Variants in TRMT9B observed in about 807,000 individuals in gnomAD.
TRMT9B encodes the protein tRNA methyltransferase 9B (putative), also known as probable tRNA methyltransferase 9B.
Under a neutral mutation model 11.5 loss-of-function variants are expected in TRMT9B, and 16 were observed. The ratio of observed to expected loss-of-function variants is 1.39; its 90% CI spans 0.94 to 2.11. The LOEUF is 2.11. TRMT9B is among the 30% of genes most tolerant of loss of function. The probability of loss-of-function intolerance (pLI) is 0.00; values close to 1 mark genes in which losing one functional copy is unlikely to be tolerated. For missense variants in TRMT9B, 941 were observed against 553.8 expected (o/e 1.70, Z -7.02); for synonymous variants, 274 against 192.4 (o/e 1.42, Z -3.51).
At chr8:13,003,055 C>T (rs1187675708) in intron 2 of TRMT9B, among the ~76,000 whole-genome samples, 2 of 152,142 alleles carry the variant, frequency 1.3e-5, no homozygotes, top group Non-Finnish European at 2.9e-5. Context: ...TGGGGGTCTG[C>T]TGTGTCCTAA....
chr8:13,009,169 G>A (rs1811088318), intron 3 of TRMT9B, among the ~76,000 whole-genome samples: 1 of 152,150 alleles, frequency 6.6e-6, no homozygotes, highest in Admixed American at 6.6e-5. Context: ...CAAATACCCA[G>A]TGATCTCACT....
At chr8:12,952,183 C>T in intron 1 of TRMT9B, 6 of 455,154 alleles carry the variant, frequency 1.3e-5, no homozygotes, top group South Asian at 9.3e-5. Flanking sequence ...CCAGTCGCCA[C>T]ACCGTGCGGA....
intron 2 of TRMT9B, among the ~76,000 whole-genome samples, chr8:13,000,763 G>C (rs2176648): frequency 1.3e-5 from 2 of 152,190 alleles, no homozygotes; most frequent in Admixed American, 6.5e-5. Flanking sequence ...GTTATTTAAA[G>C]TGTAAAATAA....
At chr8:12,971,421 A>T (rs1803608982) in intron 1 of TRMT9B, among the ~76,000 whole-genome samples, 1 of 152,130 alleles carries the variant, frequency 6.6e-6, no homozygotes, top group East Asian at 1.9e-4. Context: ...TAATAATGAA[A>T]TCCTCTGAGT....
At chr8:12,984,521 C>G (rs1193666128) in intron 1 of TRMT9B, among the ~76,000 whole-genome samples, 1 of 152,156 alleles carries the variant, frequency 6.6e-6, no homozygotes, top group Admixed American at 6.5e-5. Flanking sequence ...ACTTGTCCTC[C>G]ATCCTGCCTA....
chr8:13,003,570 C>G (rs1809856629), intron 2 of TRMT9B, among the ~76,000 whole-genome samples: 1 of 151,952 alleles, frequency 6.6e-6, no homozygotes, highest in South Asian at 2.1e-4. Context: ...GGTATTATGG[C>G]TAATGCTGAG....
At chr8:12,949,560 A>G (rs912679535) in intron 1 of TRMT9B, among the ~76,000 whole-genome samples, 1 of 152,168 alleles carries the variant, frequency 6.6e-6, no homozygotes, top group African/African-American at 2.4e-5. Flanking sequence ...GATGGCCTCA[A>G]CTAGAAAAAT....
intron 2 of TRMT9B, among the ~76,000 whole-genome samples, chr8:13,001,015 A>G (rs1272399630): frequency 6.6e-6 from 1 of 152,164 alleles, no homozygotes; most frequent in Non-Finnish European, 1.5e-5. Flanking sequence ...TAGAACTAGA[A>G]TATCATCTAC....
chr8:12,949,283 C>A (rs1156929207), intron 1 of TRMT9B, among the ~76,000 whole-genome samples: 1 of 151,880 alleles, frequency 6.6e-6, no homozygotes, highest in Admixed American at 6.6e-5. Flanking sequence ...AAACGTTAAA[C>A]CTCACAAATA....
chr8:12,994,329 T>C (rs942731500), intron 2 of TRMT9B, among the ~76,000 whole-genome samples: 7 of 152,202 alleles, frequency 4.6e-5, no homozygotes, highest in African/African-American at 1.7e-4. Flanking sequence ...TTCAAACTAA[T>C]GTTTTGAAAA....
chr8:13,008,265 G>A (rs936729853), intron 3 of TRMT9B, among the ~76,000 whole-genome samples: 3 of 152,180 alleles, frequency 2.0e-5, no homozygotes, highest in African/African-American at 7.2e-5. Context: ...AGACATCCCA[G>A]CCTTCTTATG....
chr8:12,985,823 A>G (rs796509684), intron 1 of TRMT9B, among the ~76,000 whole-genome samples: 13 of 152,078 alleles, frequency 8.5e-5, no homozygotes, highest in African/African-American at 3.1e-4. Context: ...ATAAACTCTA[A>G]TGTCCCTAAT....
intron 1 of TRMT9B, among the ~76,000 whole-genome samples, chr8:12,963,645 G>C (rs561945721): frequency 6.6e-6 from 1 of 151,516 alleles, no homozygotes; most frequent in Non-Finnish European, 1.5e-5. Context: ...CTACTCGGGA[G>C]GCTTGAGCAG....
At chr8:13,008,643 A>C (rs1435297996) in intron 3 of TRMT9B, among the ~76,000 whole-genome samples, 1 of 152,256 alleles carries the variant, frequency 6.6e-6, no homozygotes, top group Admixed American at 6.5e-5. Context: ...ACAAGACAAA[A>C]ATCTAGACAG....
At chr8:12,949,652 A>C (rs142690034) in intron 1 of TRMT9B, among the ~76,000 whole-genome samples, 1 of 152,126 alleles carries the variant, frequency 6.6e-6, no homozygotes, top group African/African-American at 2.4e-5. Context: ...GGGATTCTAC[A>C]TGTCTGCTTC....
At chr8:12,995,638 C>T (rs931140740) in intron 2 of TRMT9B, among the ~76,000 whole-genome samples, 12 of 152,194 alleles carry the variant, frequency 7.9e-5, no homozygotes, top group Admixed American at 6.5e-4. Flanking sequence ...GAAAACTTTA[C>T]TGATACACAT....
At chr8:13,006,580 G>A in intron 3 of TRMT9B, 1 of 1,420,920 alleles carries the variant, frequency 7.0e-7, no homozygotes, top group Non-Finnish European at 9.2e-7. Context: ...TTGCACCCTT[G>A]GCATGCCAGT....
At chr8:12,981,526 T>C (rs1307642813) in intron 1 of TRMT9B, among the ~76,000 whole-genome samples, 11 of 152,232 alleles carry the variant, frequency 7.2e-5, no homozygotes, top group Admixed American at 7.2e-4. Flanking sequence ...CATTATATTA[T>C]CTGTTTCCCC....
chr8:12,984,462 A>G, intron 1 of TRMT9B, among the ~76,000 whole-genome samples: 1 of 152,214 alleles, frequency 6.6e-6, no homozygotes, highest in East Asian at 1.9e-4. Flanking sequence ...ATCTTCATTT[A>G]AAAGCTCTTT....
Sources: gnomAD v4.1 joint callset for allele counts (sites outside exome capture counted in the v4.1 genomes callset) on GRCh38, gnomAD v4.1.1 for gene constraint, MANE v1.5 for transcripts, NCBI Gene and HGNC (gene_info 2026-07-23, HGNC 2026-07-21) for gene names.